The following C8orf34 variants were observed in gnomAD, a reference collection of about 807,000 sequenced individuals.
The protein encoded by C8orf34 is chromosome 8 open reading frame 34, also known as uncharacterized protein C8orf34.
Under a neutral mutation model 68.3 loss-of-function variants are expected in C8orf34, and 65 were observed. The observed-to-expected ratio is 0.95, with a 90% CI of 0.78 to 1.17. The LOEUF is 1.17. C8orf34 is among the 50% of genes most tolerant of loss of function. C8orf34 has a pLI of 0.00. For synonymous variants in C8orf34, 244 were observed against 241.2 expected (o/e 1.01, Z -0.11); for missense variants, 664 against 655.4 (o/e 1.01, Z -0.14).
Position 68,481,234 on chromosome 8 carries a change from C to T in C8orf34, c.737-6789C>T, listed in dbSNP as rs572029061. Among the ~76,000 whole-genome samples, 33 of 152,344 alleles carry T rather than the reference C, an allele frequency of 2.2e-4. No homozygotes were observed. The South Asian group carries it at 5.4e-3, about 25-fold the overall frequency. ...CAGCTTTCATGTGGTGTTGAGCCTGCACGTGCACAGAAGTCAAGAACTGAG... is the reference window on the plus strand; with the variant it reads ...CAGCTTTCATGTGGTGTTGAGCCTGTACGTGCACAGAAGTCAAGAACTGAG... On this transcript the variant is annotated intron_variant, in intron 4 of 13. Coordinates refer to ENST00000518698, the MANE Select transcript of C8orf34 (RefSeq NM_052958.4).
At chr8:68,387,207 A>G (rs2129620450) in intron 1 of C8orf34, among the ~76,000 whole-genome samples, 1 of 152,206 alleles carries the variant, frequency 6.6e-6, no homozygotes, top group East Asian at 2.0e-4. Flanking sequence ...GGAAGTGGGT[A>G]CTAACTTTGT....
Position 68,744,204 on chromosome 8 carries a change from A to G in C8orf34, c.1404+22767A>G, listed in dbSNP as rs551375567. 8.7e-3 allele frequency among the ~76,000 whole-genome samples: 1,300 copies of G among 149,740 alleles called. 18 individuals carry two copies. The highest frequency in any genetic ancestry group is 0.031 in the African/African-American group (1,226 of 39,190). On this transcript the variant is annotated intron_variant, in intron 10 of 13. Coordinates refer to ENST00000518698, the MANE Select transcript of C8orf34 (RefSeq NM_052958.4). ...TGTTAGAAGGAAAACTAACAAACAG[A>G]AAGGACATCCACACCAAAAACCCAT...
intron 3 of C8orf34, among the ~76,000 whole-genome samples, chr8:68,462,259 C>T (rs1219309702): frequency 6.6e-6 from 1 of 152,112 alleles, no homozygotes; most frequent in Non-Finnish European, 1.5e-5. Flanking sequence ...AATATATATG[C>T]ACCCAATACA....
At chr8:68,361,189 G>A (rs185257435) in intron 1 of C8orf34, among the ~76,000 whole-genome samples, 45 of 152,260 alleles carry the variant, frequency 3.0e-4, no homozygotes, top group African/African-American at 3.9e-4. Context: ...AGAAGGTTTC[G>A]GTAGAATATG....
intron 7 of C8orf34, among the ~76,000 whole-genome samples, chr8:68,622,311 C>T (rs1437918430): frequency 6.6e-6 from 1 of 152,206 alleles, no homozygotes; most frequent in African/African-American, 2.4e-5. Context: ...AAGCAAATCA[C>T]TACATCCAGA....
chr8:68,666,043 T>C (rs1819830102), intron 8 of C8orf34, among the ~76,000 whole-genome samples: 1 of 152,214 alleles, frequency 6.6e-6, no homozygotes, highest in African/African-American at 2.4e-5. Context: ...AGCTAATTTT[T>C]ATTGAGTGTG....
At chr8:68,383,026 A>G (rs1051111959) in intron 1 of C8orf34, among the ~76,000 whole-genome samples, 1 of 152,158 alleles carries the variant, frequency 6.6e-6, no homozygotes, top group Non-Finnish European at 1.5e-5. Context: ...TTTGGCCTAG[A>G]CATTGAGTCT....
At chr8:68,610,652 G>A (rs1817988730) in intron 7 of C8orf34, among the ~76,000 whole-genome samples, 1 of 151,934 alleles carries the variant, frequency 6.6e-6, no homozygotes, top group Admixed American at 6.6e-5. Context: ...AGAAGGAGGT[G>A]GAAGATATTA....
chr8:68,341,718 C>A (rs1459364473), intron 1 of C8orf34, among the ~76,000 whole-genome samples: 1 of 152,150 alleles, frequency 6.6e-6, no homozygotes, highest in Non-Finnish European at 1.5e-5. Flanking sequence ...ATGAAACATG[C>A]CTGCTCCCAC....
chr8:68,489,656 C>T (rs1423093515), intron 5 of C8orf34, among the ~76,000 whole-genome samples: 4 of 152,100 alleles, frequency 2.6e-5, no homozygotes, highest in Admixed American at 6.6e-5. Flanking sequence ...GACATCGTGT[C>T]GATGCTCAAA....
At chr8:68,412,490 A>G (rs1002962660) in intron 1 of C8orf34, among the ~76,000 whole-genome samples, 2 of 151,890 alleles carry the variant, frequency 1.3e-5, no homozygotes, top group Admixed American at 1.3e-4. Flanking sequence ...ACCACTCCTC[A>G]TTTTTACTTT....
At chr8:68,330,875 T>C, upstream of C8orf34, 1 of 711,038 alleles carries the variant, frequency 1.4e-6, no homozygotes, top group African/African-American at 1.9e-5. Flanking sequence ...CGTGCGCCCC[T>C]CGACACAGCT....
rs80013572 is a variant in C8orf34, at chr8:68,569,203, T to G, written c.1105+36054T>G. Reference sequence around the variant, plus strand: ...GAAACCTTAAAATTGAGCCAGCATCTCTAAAAATTTGCTTAAAGAAACAAA... The same window carrying G: ...GAAACCTTAAAATTGAGCCAGCATCGCTAAAAATTTGCTTAAAGAAACAAA... On this transcript the variant is annotated intron_variant, in intron 7 of 13. Coordinates refer to ENST00000518698, the MANE Select transcript of C8orf34 (RefSeq NM_052958.4). Among the ~76,000 whole-genome samples the G allele has an allele frequency of 8.2e-3, 1,254 of 152,350 alleles. 21 individuals are homozygous for G. Among genetic ancestry groups the G allele is most frequent in the African/African-American group, 0.028 (1,182 of 41,584 alleles).
At position 68,602,163 on chromosome 8, in the gene C8orf34, C is replaced by T. The variant is rs972911814; in HGVS notation, c.1106-38213C>T. On this transcript the variant is annotated intron_variant, in intron 7 of 13. Transcript: ENST00000518698. ...ATCCACTGCCATGTGTTGCTAACAC[C>T]GGGAGAGGGAAGGGTGGAAGTGGAG... Among the ~76,000 whole-genome samples, 8 of 152,190 alleles carry T rather than the reference C, an allele frequency of 5.3e-5. No homozygotes were observed. The East Asian group carries it at 7.8e-4, about 15-fold the overall frequency.
intron 7 of C8orf34, chr8:68,534,498 G>A (rs1306894686): frequency 3.1e-5 from 19 of 616,380 alleles, no homozygotes; most frequent in Admixed American, 6.3e-5. Context: ...TGCTAACTGC[G>A]CTAATTGGAT....
At chr8:68,572,037 A>T (rs1816773368) in intron 7 of C8orf34, among the ~76,000 whole-genome samples, 1 of 152,182 alleles carries the variant, frequency 6.6e-6, no homozygotes. Context: ...TCTAGGCTAC[A>T]GACTTGCATA....
intron 8 of C8orf34, among the ~76,000 whole-genome samples, chr8:68,651,172 C>T (rs1164513410): frequency 6.6e-6 from 1 of 152,116 alleles, no homozygotes; most frequent in Non-Finnish European, 1.5e-5. Context: ...ACTTTATCTA[C>T]CTATTCATCC....
chr8:68,483,878 A>G (rs1563477092), intron 4 of C8orf34, among the ~76,000 whole-genome samples: 2 of 152,288 alleles, frequency 1.3e-5, no homozygotes, highest in Middle Eastern at 3.4e-3. Context: ...TTCTGAAAGA[A>G]CTAATTTTTC....
At chr8:68,794,476 A>G (rs10957449) in intron 12 of C8orf34, among the ~76,000 whole-genome samples, 1 of 111,668 alleles carries the variant, frequency 9.0e-6, no homozygotes, top group Non-Finnish European at 1.7e-5. Flanking sequence ...CCAGTATATA[A>G]ATATAAATAT....
Sources: allele counts gnomAD v4.1 joint callset (sites outside exome capture counted in the v4.1 genomes callset), GRCh38; gene constraint gnomAD v4.1.1; transcripts MANE v1.5; gene names NCBI Gene and HGNC (gene_info 2026-07-23, HGNC 2026-07-21).